Variants in PCDHA5 observed in about 807,000 individuals in gnomAD.
The protein encoded by PCDHA5 is protocadherin alpha-5.
A neutral mutation model predicts 61.6 loss-of-function variants in PCDHA5; 43 were observed. The observed-to-expected ratio is 0.70, with a 90% CI of 0.55 to 0.90. The LOEUF (loss-of-function observed/expected upper bound fraction) is 0.90. PCDHA5 is among the 40% of genes least tolerant of loss of function. PCDHA5 has a pLI of 0.00. For missense variants in PCDHA5, 1,298 were observed against 1,222.7 expected, an observed-to-expected ratio of 1.06 and a Z score of -0.92; for synonymous variants, 627 against 543.9, an observed-to-expected ratio of 1.15 and a Z score of -2.13.
chr5:140,921,102 T>G (rs1300756897), intron 1 of PCDHA5, among the ~76,000 whole-genome samples: 1 of 152,028 alleles, frequency 6.6e-6, no homozygotes, highest in Non-Finnish European at 1.5e-5. Context: ...TGCCTCAGTC[T>G]CCTAAGTAGC....
chr5:140,825,260 A>G (rs1768492888), intron 1 of PCDHA5: 1 of 151,070 alleles, frequency 6.6e-6, no homozygotes, highest in African/African-American at 2.4e-5. Flanking sequence ...TTGTGTAGGT[A>G]TGTGATTGGT....
chr5:140,969,339 A>AGTG (rs782647003), intron 1 of PCDHA5: 3 of 1,613,948 alleles, frequency 1.9e-6, no homozygotes, highest in African/African-American at 2.7e-5. Flanking sequence ...GAGGTGAGAC[A>AGTG]GTGGTCAGGG....
chr5:140,977,640 G>A (rs2096769670), intron 1 of PCDHA5, among the ~76,000 whole-genome samples: 1 of 152,124 alleles, frequency 6.6e-6, no homozygotes, highest in South Asian at 2.1e-4. Flanking sequence ...CTTTTTCTGG[G>A]CCTTGACTTT....
intron 3 of PCDHA5, among the ~76,000 whole-genome samples, chr5:140,988,221 T>A (rs1554249982): frequency 6.6e-6 from 1 of 152,016 alleles, no homozygotes; most frequent in Non-Finnish European, 1.5e-5. Context: ...AAAAATGAGA[T>A]CAGGGATCTA....
intron 1 of PCDHA5, chr5:140,850,243 G>A: frequency 6.3e-7 from 1 of 1,593,880 alleles, no homozygotes; most frequent in Non-Finnish European, 8.6e-7. Flanking sequence ...ATGGTGCTGC[G>A]GTCGGTGGGC....
chr5:140,969,168 C>T (rs1554231530), intron 1 of PCDHA5: 2 of 1,614,088 alleles, frequency 1.2e-6, no homozygotes, highest in Non-Finnish European at 1.7e-6. Flanking sequence ...ACAGCAGGCT[C>T]AGGGAGTGAC....
chr5:140,858,784 T>C (rs1554152015), intron 1 of PCDHA5: 8 of 401,650 alleles, frequency 2.0e-5, no homozygotes, highest in Non-Finnish European at 3.6e-5. Context: ...TACTTCATGT[T>C]ATTTCATTTC....
chr5:140,992,127 T>G (rs1237289084), intron 3 of PCDHA5, among the ~76,000 whole-genome samples: 1 of 151,584 alleles, frequency 6.6e-6, no homozygotes, highest in Non-Finnish European at 1.5e-5. Flanking sequence ...GGAAGAACAG[T>G]GACTGATGAT....
Position 140,823,594 on chromosome 5 carries a change from TC to T in PCDHA5, c.1820del (p.Ser607CysfsTer44), listed in dbSNP as rs2150127257. 2 of 1,613,998 alleles carry T rather than the reference TC, an allele frequency of 1.2e-6. No homozygotes were observed. Among genetic ancestry groups the T allele is most frequent in the Non-Finnish European group, 1.7e-6 (2 of 1,179,924 alleles). ...DPDSGYNAWL[S>X]YELQPAPGSA... The stretch of plus-strand genomic sequence containing the variant: ...TGATTCGGGCTACAACGCTTGGCTT[TC>T]GTATGAGCTGCAGCCAGCGCCTGGC... On this transcript the variant is annotated frameshift_variant, in exon 1 of 4. Transcript: ENST00000529859. LOFTEE classifies it high-confidence loss of function.
At chr5:140,900,073 G>T (rs1490261769) in intron 1 of PCDHA5, among the ~76,000 whole-genome samples, 1 of 152,072 alleles carries the variant, frequency 6.6e-6, no homozygotes, top group African/African-American at 2.4e-5. Flanking sequence ...GCCTCCAAAA[G>T]TGCTGCAGTT....
chr5:140,910,982 T>C (rs1204318531), intron 1 of PCDHA5, among the ~76,000 whole-genome samples: 1 of 152,130 alleles, frequency 6.6e-6, no homozygotes, highest in Non-Finnish European at 1.5e-5. Flanking sequence ...GGTTATACTC[T>C]GAACCTCACC....
rs148688132 is a variant in PCDHA5, at chr5:140,902,203, CTT to C, written c.2353-76729_2353-76728del. Among the ~76,000 whole-genome samples the C allele has an allele frequency of 5.2e-3, 642 of 124,424 alleles. 3 individuals are homozygous for C. The highest frequency in any genetic ancestry group is 0.019 in the African/African-American group (601 of 32,314). 81.6% of individuals were successfully genotyped at this position (124,424 alleles called of 152,430 possible). The stretch of plus-strand genomic sequence containing the variant: ...TTATGTCTTCTCTCTCTCTCTCTTT[CTT>C]TTTTTTTTTTTTTTTTGAGATGAGG... On this transcript the variant is annotated intron_variant, in intron 1 of 3. Coordinates refer to ENST00000529859, the MANE Select transcript of PCDHA5 (RefSeq NM_018908.3).
intron 1 of PCDHA5, chr5:140,841,734 A>G: frequency 2.5e-6 from 4 of 1,613,870 alleles, no homozygotes; most frequent in Non-Finnish European, 3.4e-6. Context: ...GTAAAAGACC[A>G]AAAGCTGTTT....
rs2150128449 is a variant in PCDHA5 at position 140,823,709 on chromosome 5, G to A, written c.1934G>A (p.Arg645His). ...GATGAGACCGAAGCACCGCGCCACC[G>A]CCTTCTGGTGCTGGTGAAGGACCAT... is the stretch of plus-strand genomic sequence containing the variant. Reference protein sequence around the residue: ...SLDETEAPRHRLLVLVKDHGE... With the variant: ...SLDETEAPRHHLLVLVKDHGE... The change falls in exon 1 of 4, where the codon CGC becomes CAC. Residue 645 changes from arginine to histidine, a missense_variant. Coordinates refer to ENST00000529859, the MANE Select transcript of PCDHA5 (RefSeq NM_018908.3). 4 of 1,613,950 alleles carry A rather than the reference G, an allele frequency of 2.5e-6. No individual in the cohort carries two copies. The highest frequency in any genetic ancestry group is 2.5e-6 in the Non-Finnish European group (3 of 1,179,938).
intron 1 of PCDHA5, among the ~76,000 whole-genome samples, chr5:140,965,377 A>G (rs1479954226): frequency 6.6e-6 from 1 of 152,190 alleles, no homozygotes; most frequent in Non-Finnish European, 1.5e-5. Flanking sequence ...AAACTTGGGG[A>G]CACAGAAGAA....
intron 1 of PCDHA5, chr5:140,836,819 CT>C: frequency 9.0e-7 from 1 of 1,113,456 alleles, no homozygotes; most frequent in Non-Finnish European, 1.3e-6. Context: ...TTCATAATTT[CT>C]TTTTTAGTTG....
At chr5:140,981,982 A>G (rs1026116713) in intron 2 of PCDHA5, among the ~76,000 whole-genome samples, 6 of 152,218 alleles carry the variant, frequency 3.9e-5, no homozygotes, top group Admixed American at 2.0e-4. Context: ...AAAGAGTAAA[A>G]TAGAAAATAA....
rs115218749 is a variant in PCDHA5, at chr5:140,850,537, G to A, written c.2352+26410G>A. On this transcript the variant is annotated intron_variant, in intron 1 of 3. Transcript: ENST00000529859. ...GGCCAGGCGCCAAAGTCATCGTCGC[G>A]GGCGTCAGTGGGTGCCACGGGCCCC... 5,564 of 1,598,212 alleles carry A rather than the reference G, an allele frequency of 3.5e-3. 468 individuals are homozygous for A. The African/African-American group carries it at 0.059, about 17-fold the overall frequency.
chr5:140,902,885 T>C (rs2069815301), intron 1 of PCDHA5, among the ~76,000 whole-genome samples: 1 of 152,238 alleles, frequency 6.6e-6, no homozygotes, highest in Admixed American at 6.5e-5. Context: ...CTGCAAAAGC[T>C]ATTATTTTAT....
Sources: gnomAD v4.1 joint callset for allele counts (sites outside exome capture counted in the v4.1 genomes callset) on GRCh38, gnomAD v4.1.1 for gene constraint, MANE v1.5 for transcripts, NCBI Gene and HGNC (gene_info 2026-07-23, HGNC 2026-07-21) for gene names.